The following PRKG1 variants were observed in gnomAD, a reference collection of about 807,000 sequenced individuals.
PRKG1 encodes cGMP-dependent protein kinase 1.
PRKG1 carries 35 observed loss-of-function variants against 88.1 expected under a neutral mutation model. That is an observed-to-expected ratio of 0.40 (90% CI 0.30 to 0.53). The LOEUF (loss-of-function observed/expected upper bound fraction) is 0.53. PRKG1 is among the 20% of genes least tolerant of loss of function. PRKG1 has a pLI of 0.59. For synonymous variants in PRKG1, 303 were observed against 292.5 expected (o/e 1.04, Z -0.37); for missense variants, 540 against 839.8 (o/e 0.64, Z 4.41).
chr10:51,940,055 T>G (rs537487025), intron 5 of PRKG1, among the ~76,000 whole-genome samples: 47 of 152,044 alleles, frequency 3.1e-4, no homozygotes, highest in Non-Finnish European at 5.3e-4. Context: ...CTGCCCCTAG[T>G]CCCCACCAGA....
rs1842939213 is a variant in PRKG1, at chr10:51,942,787, G to T, written c.762+35217G>T. 1.3e-5 allele frequency among the ~76,000 whole-genome samples: 2 copies of T among 151,232 alleles called. 1 individual carries two copies. Among genetic ancestry groups the T allele is most frequent in the African/African-American group, 4.9e-5 (2 of 40,764 alleles). On this transcript the variant is annotated intron_variant, in intron 5 of 17. Transcript: ENST00000373980. Reference sequence around the variant, plus strand: ...TAGATATATGGCATTATTTCTGAGGGCTCTGTTCTGTTCCATTGATCTATA... The same window carrying T: ...TAGATATATGGCATTATTTCTGAGGTCTCTGTTCTGTTCCATTGATCTATA...
intron 3 of PRKG1, among the ~76,000 whole-genome samples, chr10:51,769,463 A>G (rs540832970): frequency 2.6e-5 from 4 of 152,258 alleles, no homozygotes; most frequent in African/African-American, 9.6e-5. Flanking sequence ...ATCTAATCTT[A>G]TATTGAGAGG....
Position 52,114,517 on chromosome 10 carries a change from T to C in PRKG1, c.936-19323T>C, listed in dbSNP as rs11000816. Among the ~76,000 whole-genome samples the C allele has an allele frequency of 2.0e-5, 3 of 151,988 alleles. No individual in the cohort carries two copies. The East Asian group carries it at 5.8e-4, about 29-fold the overall frequency. On this transcript the variant is annotated intron_variant, in intron 7 of 17. Coordinates refer to ENST00000373980, the MANE Select transcript of PRKG1 (RefSeq NM_006258.4). The stretch of plus-strand genomic sequence containing the variant: ...AATCATTTATGGCTTGAGAGCTTTA[T>C]ACAAACAGGCTGATTTGAGCTCACA...
intron 3 of PRKG1, among the ~76,000 whole-genome samples, chr10:51,538,358 T>C (rs7081513): frequency 0.077 from 10,982 of 142,770 alleles, 1,324 homozygotes; most frequent in African/African-American, 0.26. Context: ...TTATGATATA[T>C]GATGTATAAT....
chr10:51,218,136 T>C (rs987277434), intron 2 of PRKG1, among the ~76,000 whole-genome samples: 2 of 152,168 alleles, frequency 1.3e-5, no homozygotes, highest in Non-Finnish European at 2.9e-5. Context: ...GCATGTATTT[T>C]CTAATGAGGT....
Position 51,641,843 on chromosome 10 carries a change from C to T in PRKG1, c.593-162742C>T, listed in dbSNP as rs114828109. On this transcript the variant is annotated intron_variant, in intron 3 of 17. Coordinates refer to ENST00000373980, the MANE Select transcript of PRKG1 (RefSeq NM_006258.4). Reference sequence around the variant, plus strand: ...TTCCTTTAACTTTCCTCCTTTGGAACCCCGTTCTCTTATTTCTTAACAACT... The same window carrying T: ...TTCCTTTAACTTTCCTCCTTTGGAATCCCGTTCTCTTATTTCTTAACAACT... Among the ~76,000 whole-genome samples the T allele has an allele frequency of 8.9e-3, 1,354 of 152,144 alleles. 22 individuals carry two copies. Among genetic ancestry groups the T allele is most frequent in the African/African-American group, 0.03 (1,261 of 41,494 alleles).
At chr10:51,095,846 G>A (rs1844515484) in intron 1 of PRKG1, among the ~76,000 whole-genome samples, 1 of 152,112 alleles carries the variant, frequency 6.6e-6, no homozygotes, top group African/African-American at 2.4e-5. Context: ...GGTAGAAATA[G>A]TATTCTTCAT....
chr10:51,879,872 C>T (rs1036124564), intron 4 of PRKG1, among the ~76,000 whole-genome samples: 4 of 152,212 alleles, frequency 2.6e-5, no homozygotes, highest in Non-Finnish European at 5.9e-5. Flanking sequence ...CACAAATATA[C>T]TACCTGAATC....
intron 2 of PRKG1, among the ~76,000 whole-genome samples, chr10:51,242,646 T>A (rs926972658): frequency 6.6e-6 from 1 of 152,164 alleles, no homozygotes; most frequent in Non-Finnish European, 1.5e-5. Flanking sequence ...AACACTGGGA[T>A]AAATGCAATT....
chr10:51,746,704 C>A (rs188104846), intron 3 of PRKG1, among the ~76,000 whole-genome samples: 49 of 145,854 alleles, frequency 3.4e-4, no homozygotes, highest in African/African-American at 1.2e-3. Flanking sequence ...GCCTGGGTGA[C>A]AGAGTAAGAC....
chr10:52,238,777 TC>T (rs1397232531), intron 9 of PRKG1, among the ~76,000 whole-genome samples: 3 of 150,108 alleles, frequency 2.0e-5, no homozygotes, highest in African/African-American at 7.4e-5. Flanking sequence ...TCCTCAGGGA[TC>T]TAGAGCTAGA....
chr10:51,278,881 T>G lies in PRKG1; in HGVS notation c.478+125551T>G, dbSNP rs1029413277. Among the ~76,000 whole-genome samples the G allele has an allele frequency of 3.8e-4, 58 of 152,194 alleles. 2 individuals carry two copies. Among genetic ancestry groups the G allele is most frequent in the Non-Finnish European group, 4.4e-5 (3 of 68,040 alleles). On this transcript the variant is annotated intron_variant, in intron 2 of 17. Transcript: ENST00000373980. ...TAGTATTGCTAGCGGTCAATCAATT[T>G]TATTGATCTTTTCAAAAAACCAGCT...
At chr10:52,182,520 C>T (rs1302441901) in intron 9 of PRKG1, among the ~76,000 whole-genome samples, 1 of 97,874 alleles carries the variant, frequency 1.0e-5, no homozygotes, top group Non-Finnish European at 2.1e-5. Flanking sequence ...ACGCCTATGT[C>T]CTGAATGGTA....
At chr10:51,708,203 C>A (rs1489600506) in intron 3 of PRKG1, among the ~76,000 whole-genome samples, 2 of 152,086 alleles carry the variant, frequency 1.3e-5, no homozygotes, top group Non-Finnish European at 2.9e-5. Context: ...CAAATGGCTG[C>A]CTCCTCAGTG....
At chr10:52,125,714 CCTT>C (rs1266552618) in intron 7 of PRKG1, 20 of 152,176 alleles carry the variant, frequency 1.3e-4, no homozygotes, top group African/African-American at 4.8e-4. Flanking sequence ...ATGTATTTTT[CCTT>C]CTTCACAATT....
intron 10 of PRKG1, among the ~76,000 whole-genome samples, chr10:52,261,169 C>T (rs1414730956): frequency 6.6e-6 from 1 of 151,654 alleles, no homozygotes; most frequent in Non-Finnish European, 1.5e-5. Flanking sequence ...TCAAAAATAC[C>T]TTTGTCTTTT....
chr10:51,155,071 A>T (rs1173911243), intron 2 of PRKG1, among the ~76,000 whole-genome samples: 7 of 152,088 alleles, frequency 4.6e-5, no homozygotes, highest in African/African-American at 1.7e-4. Flanking sequence ...CAGCTATTGT[A>T]TAAAGGAAAG....
intron 3 of PRKG1, among the ~76,000 whole-genome samples, chr10:51,582,193 G>T (rs10740303): frequency 0.57 from 87,221 of 152,048 alleles, 25,898 homozygotes; most frequent in African/African-American, 0.68. Flanking sequence ...AAAAACAATT[G>T]AATGACTAAT....
chr10:51,891,555 A>G (rs1326022610), intron 4 of PRKG1, among the ~76,000 whole-genome samples: 1 of 152,186 alleles, frequency 6.6e-6, no homozygotes, highest in Non-Finnish European at 1.5e-5. Context: ...TCATTCAACA[A>G]ACTTTGAGTA....
Sources: allele counts gnomAD v4.1 joint callset (sites outside exome capture counted in the v4.1 genomes callset), GRCh38; gene constraint gnomAD v4.1.1; transcripts MANE v1.5; gene names NCBI Gene and HGNC (gene_info 2026-07-23, HGNC 2026-07-21).